GNB1L: variants seen among roughly 807,000 people sequenced by gnomAD.
GNB1L encodes the protein guanine nucleotide-binding protein subunit beta-like protein 1.
In GNB1L, 20 loss-of-function variants were observed where a neutral mutation model predicts 29.1. The ratio of observed to expected loss-of-function variants is 0.69; its 90% CI spans 0.48 to 1.00. GNB1L has a LOEUF of 1.00. GNB1L is among the 50% of genes least tolerant of loss of function. GNB1L has a pLI of 0.00. For missense variants in GNB1L, 421 were observed against 464.9 expected, an observed-to-expected ratio of 0.91 and a Z score of 0.87; for synonymous variants, 193 against 206.5, an observed-to-expected ratio of 0.93 and a Z score of 0.56.
chr22:19,852,641 G>A (rs1938136673), intron 2 of GNB1L, among the ~76,000 whole-genome samples: 1 of 152,210 alleles, frequency 6.6e-6, no homozygotes, highest in Non-Finnish European at 1.5e-5. Flanking sequence ...GAGGTCTGAG[G>A]TGGGCAAATG....
chr22:19,834,217 G>A (rs1230957863), intron 2 of GNB1L, among the ~76,000 whole-genome samples: 2 of 151,806 alleles, frequency 1.3e-5, no homozygotes, highest in African/African-American at 4.8e-5. Context: ...ATAAACTGCT[G>A]AAAAATAATA....
chr22:19,840,317 C>T (rs1319834664), intron 2 of GNB1L, among the ~76,000 whole-genome samples: 2 of 152,304 alleles, frequency 1.3e-5, no homozygotes, highest in East Asian at 3.9e-4. Flanking sequence ...ACTCTACCAT[C>T]AAGGAGGAGT....
chr22:19,821,428 A>G, intron 2 of GNB1L, 53 bp from the exon 3 acceptor site: 1 of 1,548,364 alleles, frequency 6.5e-7, no homozygotes, highest in South Asian at 1.2e-5. Context: ...CTCACCCTCT[A>G]GGAAGGCTGC....
Position 19,820,354 on chromosome 22 carries a change from T to A in GNB1L, c.254+244A>T, listed in dbSNP as rs544345698. On this transcript the variant is annotated intron_variant, in intron 4 of 7. Transcript: ENST00000329517. ...AGCTCTGGCCTCCTCACCTGGCACC[T>A]CCTGGCTCCAGCTTGGAGCATGAAG... Among the ~76,000 whole-genome samples the A allele has an allele frequency of 1.4e-3, 214 of 152,286 alleles. 2 individuals carry two copies. Among genetic ancestry groups the A allele is most frequent in the Non-Finnish European group, 1.9e-3 (126 of 68,020 alleles).
chr22:19,819,296 AG>A (rs796945286), intron 4 of GNB1L, among the ~76,000 whole-genome samples: 36 of 152,334 alleles, frequency 2.4e-4, no homozygotes, highest in African/African-American at 8.7e-4. Flanking sequence ...GGGTAACCTC[AG>A]GATGAGGCTC....
At chr22:19,849,925 A>G in intron 2 of GNB1L, 1 of 985,480 alleles carries the variant, frequency 1.0e-6, no homozygotes, top group South Asian at 4.7e-5. Flanking sequence ...CTCAGCTTCC[A>G]CTAGAAAACC....
chr22:19,791,705 A>G (rs540224272), intron 7 of GNB1L, among the ~76,000 whole-genome samples: 1 of 152,316 alleles, frequency 6.6e-6, no homozygotes, highest in Non-Finnish European at 1.5e-5. Context: ...GCACAGTTAA[A>G]CAGAACAAGT....
At chr22:19,823,521 C>T (rs1937595169) in intron 2 of GNB1L, among the ~76,000 whole-genome samples, 2 of 152,188 alleles carry the variant, frequency 1.3e-5, no homozygotes, top group African/African-American at 4.8e-5. Context: ...CAGGGCCCAG[C>T]TCCAAGAGGA....
At chr22:19,840,293 C>T (rs1937836853) in intron 2 of GNB1L, among the ~76,000 whole-genome samples, 1 of 152,108 alleles carries the variant, frequency 6.6e-6, no homozygotes, top group Admixed American at 6.6e-5. Context: ...AGAAGAATTC[C>T]ACTTTATGCA....
chr22:19,792,449 C>G, intron 7 of GNB1L: 1 of 1,578,158 alleles, frequency 6.3e-7, no homozygotes, highest in Non-Finnish European at 8.6e-7. Flanking sequence ...GAGACCTCAC[C>G]CACTTTGTGA....
At chr22:19,838,454 T>G (rs139244755) in intron 2 of GNB1L, among the ~76,000 whole-genome samples, 1 of 149,472 alleles carries the variant, frequency 6.7e-6, no homozygotes, top group Non-Finnish European at 1.5e-5. Context: ...GTTTCTTATT[T>G]ATTTATTTTT....
intron 5 of GNB1L, 143 bp downstream of exon 5, chr22:19,812,142 G>A: frequency 1.2e-6 from 1 of 809,510 alleles, no homozygotes; most frequent in Non-Finnish European, 1.9e-6. Context: ...AGCCGGCTGT[G>A]CATCAGCCCC....
intron 2 of GNB1L, chr22:19,849,295 A>G: frequency 1.0e-6 from 1 of 981,556 alleles, no homozygotes; most frequent in East Asian, 1.1e-4. Flanking sequence ...CTGAACCCAG[A>G]GCCTTTTCTA....
chr22:19,802,252 G>C (rs1360597094), intron 6 of GNB1L, 36 bp from the exon 7 acceptor site: 5 of 1,549,100 alleles, frequency 3.2e-6, no homozygotes, highest in South Asian at 2.2e-5. Flanking sequence ...CTCCTGGAAG[G>C]ACCCTGACTC....
At chr22:19,827,641 T>C (rs921440923) in intron 2 of GNB1L, among the ~76,000 whole-genome samples, 1 of 152,232 alleles carries the variant, frequency 6.6e-6, no homozygotes, top group African/African-American at 2.4e-5. Flanking sequence ...AAAACTACAA[T>C]GTGATATAAT....
chr22:19,812,254 A>G (rs771153164), intron 5 of GNB1L, 31 bp downstream of exon 5: 1 of 1,604,910 alleles, frequency 6.2e-7, no homozygotes, highest in Non-Finnish European at 8.5e-7. Context: ...CTGTTTGGAG[A>G]ACATGGGGCC....
chr22:19,832,738 C>A (rs1937700847), intron 2 of GNB1L, among the ~76,000 whole-genome samples: 1 of 152,120 alleles, frequency 6.6e-6, no homozygotes, highest in Non-Finnish European at 1.5e-5. Context: ...GGGAACCCTG[C>A]AAGATGGCAA....
chr22:19,823,731 G>A (rs1937597106), intron 2 of GNB1L, among the ~76,000 whole-genome samples: 4 of 152,190 alleles, frequency 2.6e-5, no homozygotes, highest in African/African-American at 9.6e-5. Context: ...TGCACATGGT[G>A]CACACAGACA....
At chr22:19,824,958 C>G (rs115944221) in intron 2 of GNB1L, among the ~76,000 whole-genome samples, 2,662 of 152,308 alleles carry the variant, frequency 0.017, 77 homozygotes, top group African/African-American at 0.062. Context: ...CTGCACAGCC[C>G]TGTGCTCAGT....
Sources: gnomAD v4.1 joint callset for allele counts (sites outside exome capture counted in the v4.1 genomes callset) on GRCh38, gnomAD v4.1.1 for gene constraint, MANE v1.5 for transcripts, NCBI Gene and HGNC (gene_info 2026-07-23, HGNC 2026-07-21) for gene names.